Variants in GRID1 observed in about 807,000 individuals in gnomAD.
GRID1 encodes glutamate ionotropic receptor delta type subunit 1.
Under a neutral mutation model 98.0 loss-of-function variants are expected in GRID1, and 28 were observed. The ratio of observed to expected loss-of-function variants is 0.29; its 90% CI spans 0.21 to 0.39. The LOEUF is 0.39. GRID1 is among the 10% of genes least tolerant of loss of function. The pLI is 1.00. For synonymous variants in GRID1, 553 were observed against 538.5 expected (o/e 1.03, Z -0.37); for missense variants, 1,111 against 1,340.5 (o/e 0.83, Z 2.67).
intron 5 of GRID1, among the ~76,000 whole-genome samples, chr10:85,907,704 A>G (rs911872499): frequency 1.3e-5 from 2 of 152,182 alleles, no homozygotes; most frequent in African/African-American, 4.8e-5. Flanking sequence ...CCAAAACTAA[A>G]GACAGACATC....
At chr10:85,871,614 T>C (rs1052150882) in intron 5 of GRID1, among the ~76,000 whole-genome samples, 2 of 152,178 alleles carry the variant, frequency 1.3e-5, no homozygotes, top group African/African-American at 2.4e-5. Flanking sequence ...TTTGAGACAA[T>C]ATGATGGTAA....
At chr10:86,179,716 C>T (rs1209909330) in intron 3 of GRID1, among the ~76,000 whole-genome samples, 2 of 152,098 alleles carry the variant, frequency 1.3e-5, no homozygotes, top group Non-Finnish European at 2.9e-5. Context: ...ACTCTCCTAG[C>T]CCAAACCAGT....
intron 2 of GRID1, among the ~76,000 whole-genome samples, chr10:86,252,069 C>G (rs917018103): frequency 1.3e-5 from 2 of 152,190 alleles, no homozygotes; most frequent in Non-Finnish European, 2.9e-5. Flanking sequence ...CTGACCTTAC[C>G]TGGAGTTGCT....
intron 4 of GRID1, among the ~76,000 whole-genome samples, chr10:85,929,667 A>T (rs1352978764): frequency 6.6e-6 from 1 of 152,234 alleles, no homozygotes; most frequent in East Asian, 1.9e-4. Context: ...TTCTAAGCCT[A>T]TTATTCTATA....
chr10:86,211,601 G>A (rs1372011353), intron 2 of GRID1, among the ~76,000 whole-genome samples: 1 of 152,136 alleles, frequency 6.6e-6, no homozygotes. Flanking sequence ...GGCTTTTCCA[G>A]ACAGCGGACT....
chr10:85,918,665 T>C (rs1236552592), intron 4 of GRID1, among the ~76,000 whole-genome samples: 1 of 152,176 alleles, frequency 6.6e-6, no homozygotes, highest in Non-Finnish European at 1.5e-5. Flanking sequence ...ATCCTCTGAG[T>C]GTTGACCTAC....
intron 13 of GRID1, among the ~76,000 whole-genome samples, chr10:85,632,148 C>T (rs1291063563): frequency 6.6e-6 from 1 of 152,076 alleles, no homozygotes; most frequent in African/African-American, 2.4e-5. Flanking sequence ...TCTGGGAAGC[C>T]AGGAACCTTG....
chr10:85,997,225 C>A (rs897588378), intron 4 of GRID1, among the ~76,000 whole-genome samples: 3 of 152,090 alleles, frequency 2.0e-5, no homozygotes, highest in East Asian at 1.9e-4. Context: ...GATGGTGAAA[C>A]CCCATCTCTA....
chr10:86,150,574 C>G (rs1035794470), intron 3 of GRID1, among the ~76,000 whole-genome samples: 1 of 152,212 alleles, frequency 6.6e-6, no homozygotes, highest in Non-Finnish European at 1.5e-5. Flanking sequence ...GTTAATGCCA[C>G]AGCCAGATGA....
At chr10:86,230,072 G>A (rs1480708181) in intron 2 of GRID1, among the ~76,000 whole-genome samples, 1 of 152,146 alleles carries the variant, frequency 6.6e-6, no homozygotes, top group Non-Finnish European at 1.5e-5. Flanking sequence ...TCCTGCTCCT[G>A]GTAGCAGCAG....
chr10:86,182,305 C>T (rs1902693), intron 3 of GRID1, among the ~76,000 whole-genome samples: 69,453 of 152,128 alleles, frequency 0.46, 17,444 homozygotes, highest in African/African-American at 0.67. Context: ...CTCCGGGCCA[C>T]GGAGACTCCA....
chr10:86,124,021 A>T (rs1844716095), intron 4 of GRID1, among the ~76,000 whole-genome samples: 1 of 152,146 alleles, frequency 6.6e-6, no homozygotes, highest in Non-Finnish European at 1.5e-5. Flanking sequence ...TGGCCCAGGC[A>T]AGCAGGGAAA....
chr10:85,691,583 T>A (rs987665866), intron 12 of GRID1, among the ~76,000 whole-genome samples: 1 of 152,188 alleles, frequency 6.6e-6, no homozygotes, highest in African/African-American at 2.4e-5. Flanking sequence ...TGTTCCTTTT[T>A]CTGAAAAATT....
chr10:86,062,801 G>A (rs1403942497), intron 4 of GRID1, among the ~76,000 whole-genome samples: 2 of 152,252 alleles, frequency 1.3e-5, no homozygotes, highest in Non-Finnish European at 2.9e-5. Context: ...GCACCCGTCT[G>A]GCACAGGCAG....
intron 4 of GRID1, among the ~76,000 whole-genome samples, chr10:85,925,680 T>C (rs1425227475): frequency 1.3e-5 from 2 of 152,228 alleles, no homozygotes; most frequent in Non-Finnish European, 2.9e-5. Context: ...CAGCACCAGA[T>C]ACTGCTGAAG....
At chr10:85,805,036 C>T (rs770790546) in intron 8 of GRID1, among the ~76,000 whole-genome samples, 14 of 151,018 alleles carry the variant, frequency 9.3e-5, no homozygotes, top group African/African-American at 2.9e-4. Flanking sequence ...AGTTGACTGC[C>T]CTTTTGGTCA....
intron 8 of GRID1, among the ~76,000 whole-genome samples, chr10:85,798,680 T>G (rs1842547339): frequency 6.6e-6 from 1 of 152,054 alleles, no homozygotes; most frequent in African/African-American, 2.4e-5. Context: ...CATATTAAGA[T>G]CTCTTGTTCA....
At chr10:85,895,016 A>AAAAATATATAT (rs766551035) in intron 5 of GRID1, among the ~76,000 whole-genome samples, 2 of 97,108 alleles carry the variant, frequency 2.1e-5, no homozygotes, top group African/African-American at 7.8e-5. Flanking sequence ...AAAAAAAAAA[A>AAAAATATATAT]ATATATATAT....
chr10:85,776,292 A>G lies in GRID1; in HGVS notation c.1234-46678T>C, dbSNP rs75907750. On this transcript the variant is annotated intron_variant, in intron 8 of 15. Transcript: ENST00000327946. ...GCAATGTCAAATAAAAATTAATCCT[A>G]AAAACAACCCTTTTTATAAGGGACA... is the stretch of plus-strand genomic sequence containing the variant. Among the ~76,000 whole-genome samples the G allele has an allele frequency of 2.2e-3, 342 of 152,358 alleles. 2 individuals carry two copies. The highest frequency in any genetic ancestry group is 8.0e-3 in the African/African-American group (332 of 41,582).
Sources: allele counts gnomAD v4.1 joint callset (sites outside exome capture counted in the v4.1 genomes callset), GRCh38; gene constraint gnomAD v4.1.1; transcripts MANE v1.5; gene names NCBI Gene and HGNC (gene_info 2026-07-23, HGNC 2026-07-21).